SNX29: variants seen among roughly 807,000 people sequenced by gnomAD.
The protein encoded by SNX29 is sorting nexin 29, also known as sorting nexin-29.
SNX29 carries 78 observed loss-of-function variants against 102.1 expected under a neutral mutation model. That is an observed-to-expected ratio of 0.76 (90% CI 0.64 to 0.92). The LOEUF is 0.92. Among genes scored for constraint, SNX29 ranks in the 40% least tolerant of loss-of-function variants. SNX29 has a pLI of 0.00. For missense variants in SNX29, 1,280 were observed against 1,061.7 expected (o/e 1.21, Z -2.86); for synonymous variants, 580 against 414.5 (o/e 1.40, Z -4.85).
chr16:12,258,812 C>T (rs1315286902), intron 14 of SNX29, among the ~76,000 whole-genome samples: 2 of 152,122 alleles, frequency 1.3e-5, no homozygotes, highest in African/African-American at 4.8e-5. Context: ...TAAAGGTGCC[C>T]AGTGTGGAGA....
chr16:12,261,070 C>G (rs1413945855), intron 14 of SNX29, among the ~76,000 whole-genome samples: 2 of 143,206 alleles, frequency 1.4e-5, no homozygotes, highest in Non-Finnish European at 3.0e-5. Context: ...GCGCATGAGT[C>G]CCTGGCTGGA....
intron 20 of SNX29, among the ~76,000 whole-genome samples, chr16:12,561,553 A>G (rs1435541025): frequency 6.6e-6 from 1 of 152,100 alleles, no homozygotes; most frequent in Non-Finnish European, 1.5e-5. Context: ...ATTTTCACTG[A>G]TGAGCAGTTG....
At chr16:12,560,340 G>T (rs1326234668) in intron 20 of SNX29, among the ~76,000 whole-genome samples, 1 of 152,080 alleles carries the variant, frequency 6.6e-6, no homozygotes, top group East Asian at 1.9e-4. Context: ...TTTACCGAAG[G>T]GGGATTTACA....
chr16:12,374,027 A>G (rs1293030874), intron 16 of SNX29: 4 of 152,236 alleles, frequency 2.6e-5, no homozygotes, highest in Non-Finnish European at 2.9e-5. Context: ...CCAGGGCTTA[A>G]CTGGGGAAGC....
intron 14 of SNX29, among the ~76,000 whole-genome samples, chr16:12,239,440 T>C (rs959277592): frequency 5.3e-5 from 8 of 152,006 alleles, no homozygotes; most frequent in African/African-American, 1.9e-4. Flanking sequence ...GTATTTACTT[T>C]TGTCTCCCAA....
chr16:12,339,099 G>A (rs1455173021), intron 15 of SNX29, among the ~76,000 whole-genome samples: 1 of 152,188 alleles, frequency 6.6e-6, no homozygotes, highest in Admixed American at 6.5e-5. Context: ...CGGGCATGGT[G>A]GCTCACACCT....
In SNX29 at chr16:12,527,901, T is replaced by C. The variant is rs138193757; in HGVS notation, c.2318+3060T>C. Among the ~76,000 whole-genome samples the C allele has an allele frequency of 1.6e-3, 237 of 151,048 alleles. 1 individual carries two copies. The highest frequency in any genetic ancestry group is 5.4e-3 in the African/African-American group (224 of 41,128). On this transcript the variant is annotated intron_variant, in intron 20 of 20. Coordinates refer to ENST00000566228, the MANE Select transcript of SNX29 (RefSeq NM_032167.5). ...GTCCAGTGGCATGATCTCGGCTCAC[T>C]GTAAGCTCTGCCTCCCAGGTTCACG...
intron 16 of SNX29, among the ~76,000 whole-genome samples, chr16:12,390,891 A>G (rs953980350): frequency 3.3e-5 from 5 of 152,118 alleles, no homozygotes; most frequent in South Asian, 2.1e-4. Context: ...AAAAAAAAAA[A>G]AAAAGAAAAG....
chr16:12,027,031 G>A (rs1205357595), intron 3 of SNX29, among the ~76,000 whole-genome samples: 2 of 152,178 alleles, frequency 1.3e-5, no homozygotes, highest in African/African-American at 4.8e-5. Context: ...ACCCCCGCCA[G>A]CTGGCACCCG....
intron 20 of SNX29, chr16:12,527,454 A>T: frequency 2.3e-6 from 1 of 428,966 alleles, no homozygotes; most frequent in Non-Finnish European, 4.4e-6. Context: ...TGGTTCTTTC[A>T]AATGTTGATT....
At chr16:12,063,363 C>T (rs2050860891) in intron 9 of SNX29, among the ~76,000 whole-genome samples, 2 of 72,290 alleles carry the variant, frequency 2.8e-5, no homozygotes, top group South Asian at 5.0e-4. Flanking sequence ...TTTCCTAGTC[C>T]ATCTTTTTTT....
At chr16:12,260,254 C>T (rs2142478737) in intron 14 of SNX29, among the ~76,000 whole-genome samples, 1 of 152,314 alleles carries the variant, frequency 6.6e-6, no homozygotes, top group East Asian at 1.9e-4. Flanking sequence ...TACAGGCGTC[C>T]TTGTTCCAGC....
At chr16:12,164,577 G>A (rs2055929402) in intron 13 of SNX29, among the ~76,000 whole-genome samples, 1 of 151,818 alleles carries the variant, frequency 6.6e-6, no homozygotes, top group Non-Finnish European at 1.5e-5. Context: ...GGGCCATACA[G>A]CATTTGGAAG....
intron 8 of SNX29, among the ~76,000 whole-genome samples, chr16:12,055,235 C>CT (rs201288834): frequency 0.041 from 5,704 of 139,132 alleles, 149 homozygotes; most frequent in Non-Finnish European, 0.056. Context: ...TGTTTCCTTT[C>CT]TTTTTTTTTT....
chr16:12,545,116 G>C (rs1443870934), intron 20 of SNX29, among the ~76,000 whole-genome samples: 1 of 152,152 alleles, frequency 6.6e-6, no homozygotes, highest in Non-Finnish European at 1.5e-5. Flanking sequence ...AGCCAGCTCT[G>C]TGAGGCCCCA....
chr16:12,423,180 A>C (rs1024138793), intron 18 of SNX29, among the ~76,000 whole-genome samples: 6 of 151,266 alleles, frequency 4.0e-5, no homozygotes, highest in Non-Finnish European at 8.8e-5. Flanking sequence ...GCATTTACTC[A>C]CCAATGCATG....
rs555938220 is a variant in SNX29 at position 12,157,414 on chromosome 16, T to G, written c.1595+27656T>G. On this transcript the variant is annotated intron_variant, in intron 13 of 20. Coordinates refer to ENST00000566228, the MANE Select transcript of SNX29 (RefSeq NM_032167.5). Reference sequence around the variant, plus strand: ...AGAGGTGAGCCGAGGGCAGGGGACGTGGGGTCATGATGTCTCCTAAAGGAA... The same window carrying G: ...AGAGGTGAGCCGAGGGCAGGGGACGGGGGGTCATGATGTCTCCTAAAGGAA... Among the ~76,000 whole-genome samples the G allele has an allele frequency of 3.3e-5, 5 of 152,184 alleles. No homozygotes were observed. The South Asian group carries it at 1.0e-3, about 32-fold the overall frequency.
chr16:12,537,576 G>C (rs971663409), intron 20 of SNX29, among the ~76,000 whole-genome samples: 1 of 152,032 alleles, frequency 6.6e-6, no homozygotes, highest in African/African-American at 2.4e-5. Flanking sequence ...TTTTGACTTT[G>C]TTTTTACTTC....
chr16:12,231,532 T>TA (rs143801181), intron 14 of SNX29, among the ~76,000 whole-genome samples: 6,247 of 121,116 alleles, frequency 0.052, 408 homozygotes, highest in African/African-American at 0.14. Flanking sequence ...TGGGCCTTTT[T>TA]AAAAAAAAAA....
Sources: allele counts gnomAD v4.1 joint callset (sites outside exome capture counted in the v4.1 genomes callset), GRCh38; gene constraint gnomAD v4.1.1; transcripts MANE v1.5; gene names NCBI Gene and HGNC (gene_info 2026-07-23, HGNC 2026-07-21).